Variants in ELK1 observed in about 807,000 individuals in gnomAD.
ELK1 encodes ETS transcription factor ELK1, also known as ETS domain-containing protein Elk-1.
For synonymous variants in ELK1, 163 were observed against 176.3 expected (o/e 0.92, Z 0.60); for missense variants, 254 against 381.5 (o/e 0.67, Z 2.78).
intron 2 of ELK1, among the ~76,000 whole-genome samples, chrX:47,643,728 T>C (rs762831697): frequency 9.0e-6 from 1 of 111,081 alleles, no homozygotes; most frequent in Non-Finnish European, 1.9e-5. Context: ...TTAATGGGCA[T>C]TGACTTATTT....
rs1305654913 is a variant in ELK1 at position 47,638,025 on chromosome X, TTGG to T, written c.809_811del (p.Thr270del). On this transcript the variant is annotated inframe_deletion, in exon 5 of 7. Transcript: ENST00000376983. ...CTGTGGAGGGACTTCTGGCTCGGCC[TTGG>T]TGGTTTCTGGCACAAACCCTCTCTC... 1 of 1,210,893 alleles carries T rather than the reference TTGG, an allele frequency of 8.3e-7. No homozygotes were observed. The highest frequency in any genetic ancestry group is 1.1e-6 in the Non-Finnish European group (1 of 895,225).
chrX:47,641,724 G>A (rs2058029368), intron 2 of ELK1, among the ~76,000 whole-genome samples: 1 of 112,095 alleles, frequency 8.9e-6, no homozygotes, highest in Non-Finnish European at 1.9e-5. Context: ...ATGTGAATCT[G>A]TGGGGGTCAG....
At chrX:47,650,377 G>A in intron 1 of ELK1, 46 bp downstream of exon 1, 1 of 288,758 alleles carries the variant, frequency 3.5e-6, no homozygotes. Flanking sequence ...GGAAGGATAC[G>A]TGGGGTCACG....
Position 47,635,695 on chromosome X carries a change from G to A in ELK1, c.*1134C>T, listed in dbSNP as rs891260329. ...CTGGGCTGGGCCAGCGCTAACAGGTGAGCCCAGGAGTCTTTTGAACCCACT... is the reference window on the plus strand; with the variant it reads ...CTGGGCTGGGCCAGCGCTAACAGGTAAGCCCAGGAGTCTTTTGAACCCACT... On this transcript the variant is annotated 3_prime_UTR_variant, in exon 7 of 7. Coordinates refer to ENST00000376983, the MANE Select transcript of ELK1 (RefSeq NM_001114123.3). 1.8e-5 allele frequency: 2 copies of A among 111,224 alleles called. No individual in the cohort carries two copies. The highest frequency in any genetic ancestry group is 3.8e-5 in the Non-Finnish European group (2 of 52,887). The allele number at this position is 111,224 out of a possible 1,213,427, so 9.2% of individuals were successfully genotyped here. A position where few individuals can be genotyped will look rare whatever the true frequency, so the allele number is the denominator to read the frequency against.
chrX:47,636,861 C>T lies in ELK1; in HGVS notation c.1255G>A (p.Val419Met), dbSNP rs777870023. 2 of 1,160,255 alleles carry T rather than the reference C, an allele frequency of 1.7e-6. No homozygotes were observed. The highest frequency in any genetic ancestry group is 2.3e-6 in the Non-Finnish European group (2 of 868,268). Residue 419 changes from valine (V) to methionine (M), a missense_variant, in exon 7 of 7, where the codon GTG becomes ATG. By Grantham distance (21) the Val-to-Met change is conservative (BLOSUM62 1). Coordinates refer to ENST00000376983, the MANE Select transcript of ELK1 (RefSeq NM_001114123.3). ...SISVDGLSTP[V>M]VLSPGPQKP ...TTCTGGGGCCCTGGGGAGAGCACCA[C>T]GGGGGTCGAGAGGCCATCCACGCTG...
chrX:47,640,576 G>A lies in ELK1; in HGVS notation c.210+656C>T, dbSNP rs186396171. 2.7e-5 allele frequency among the ~76,000 whole-genome samples: 3 copies of A among 111,379 alleles called. No individual in the cohort carries two copies. The East Asian group carries it at 8.4e-4, about 31-fold the overall frequency. ...GGGGAAATTTTAAATTTTAGCTGTAGGAATAAGATAATGAAAACAATTGAT... is the reference window on the plus strand; with the variant it reads ...GGGGAAATTTTAAATTTTAGCTGTAAGAATAAGATAATGAAAACAATTGAT... On this transcript the variant is annotated intron_variant, in intron 3 of 6. Transcript: ENST00000376983.
At chrX:47,641,545 C>G in intron 2 of ELK1, 70 bp from the exon 3 acceptor site, 1 of 807,088 alleles carries the variant, frequency 1.2e-6, no homozygotes, top group Non-Finnish European at 1.8e-6. Context: ...GAGGAGGATT[C>G]CTTTTTTTGT....
Position 47,638,164 on chromosome X carries a change from C to G in ELK1, c.673G>C (p.Glu225Gln). 1 of 1,208,513 alleles carries G rather than the reference C, an allele frequency of 8.3e-7. No homozygotes were observed. Residue 225 changes from glutamate (E) to glutamine (Q), a missense_variant, in exon 5 of 7, where the codon GAG becomes CAG. Glu to Gln is a conservative substitution (Grantham distance 29). Transcript: ENST00000376983. ...LPLQVILTPP[E>Q]APNLKSEELN... ...TCTTCCGATTTCAGGTTTGGGGCCTCGGGCGGGGTCAGGATGACCTGGTAG... is the reference window on the plus strand; with the variant it reads ...TCTTCCGATTTCAGGTTTGGGGCCTGGGGCGGGGTCAGGATGACCTGGTAG...
intron 5 of ELK1, 128 bp from the exon 6 acceptor site, chrX:47,637,242 C>T: frequency 1.6e-6 from 1 of 638,326 alleles, no homozygotes; most frequent in East Asian, 3.6e-5. Flanking sequence ...AAAGTGCACA[C>T]ACCTAGATGG....
chrX:47,636,898 G>A lies in ELK1; in HGVS notation c.1218C>T (p.His406=), dbSNP rs745658202. 1.7e-6 allele frequency: 2 copies of A among 1,175,388 alleles called. No individual in the cohort carries two copies. Among genetic ancestry groups the A allele is most frequent in the Non-Finnish European group, 2.3e-6 (2 of 876,559 alleles). ...QFPSSGSAQV[H]IPSISVDGLS... ...GGCCATCCACGCTGATAGAAGGGAT[G>A]TGCACCTGGGCGCTGCCACTGGATG... Residue 406 remains histidine (H), a synonymous_variant, in exon 7 of 7, where the codon CAC becomes CAT. Transcript: ENST00000376983.
In ELK1 at chrX:47,636,779, G is replaced by T; in HGVS notation, c.*50C>A. ...TCTCCTTGAGATGGCTGGCTGGAGA[G>T]AGCATGGATGGAGTGACCCCAGAAG... is the stretch of plus-strand genomic sequence containing the variant. On this transcript the variant is annotated 3_prime_UTR_variant, in exon 7 of 7. Transcript: ENST00000376983. 9.6e-7 allele frequency: 1 copy of T among 1,037,048 alleles called. No individual in the cohort carries two copies. The highest frequency in any genetic ancestry group is 1.3e-6 in the Non-Finnish European group (1 of 778,044). The allele number at this position is 1,037,048 out of a possible 1,213,427, so 85.5% of individuals were successfully genotyped here.
chrX:47,647,895 G>A (rs1259577792), intron 2 of ELK1, among the ~76,000 whole-genome samples: 1 of 112,409 alleles, frequency 8.9e-6, no homozygotes, highest in South Asian at 3.6e-4. Context: ...CCTGCTGGGT[G>A]TGCAGCTTCA....
chrX:47,644,070 G>A (rs1399474351), intron 2 of ELK1, among the ~76,000 whole-genome samples: 1 of 112,139 alleles, frequency 8.9e-6, no homozygotes, highest in Non-Finnish European at 1.9e-5. Flanking sequence ...TCCGATTAGA[G>A]AGTCCTGTCA....
In ELK1 at chrX:47,636,681, C is replaced by T; in HGVS notation, c.*148G>A. ...TGTGGAGGAGATAATGAGAGTTACT[C>T]TTGGGAGTAATTCTTCCCAAGGATC... On this transcript the variant is annotated 3_prime_UTR_variant, in exon 7 of 7. Coordinates refer to ENST00000376983, the MANE Select transcript of ELK1 (RefSeq NM_001114123.3). The T allele has an allele frequency of 1.9e-6, 1 of 537,048 alleles. No homozygotes were observed. Among genetic ancestry groups the T allele is most frequent in the Non-Finnish European group, 2.9e-6 (1 of 339,187 alleles). 44.3% of individuals were successfully genotyped at this position (537,048 alleles called of 1,213,427 possible). A position where few individuals can be genotyped will look rare whatever the true frequency, so the allele number is the denominator to read the frequency against.
rs776692129 is a variant in ELK1, at chrX:47,639,185, C to T, written c.364G>A (p.Ala122Thr). The T allele has an allele frequency of 1.7e-5, 21 of 1,207,953 alleles. No individual in the cohort carries two copies. In the Admixed American group the frequency reaches 2.6e-4, roughly 15 times the overall value. ...TTTCCAGAGACAGTGTCCCCTGGGGCGGCATGTATAGCAGCAGGGGCCACA... is the reference window on the plus strand; with the variant it reads ...TTTCCAGAGACAGTGTCCCCTGGGGTGGCATGTATAGCAGCAGGGGCCACA... ...PNVAPAAIHAAPGDTVSGKPG... is the reference protein window; with the variant it reads ...PNVAPAAIHATPGDTVSGKPG... The change falls in exon 4 of 7, where the codon GCC (alanine) becomes ACC (threonine). Residue 122 changes from alanine to threonine, a missense_variant. Transcript: ENST00000376983.
At chrX:47,645,740 G>A (rs1029807833) in intron 2 of ELK1, among the ~76,000 whole-genome samples, 2 of 112,124 alleles carry the variant, frequency 1.8e-5, no homozygotes, top group African/African-American at 6.5e-5. Context: ...GGGTAAGCAC[G>A]GGCTGCTCTC....
chrX:47,649,727 G>C (rs1192071202), intron 2 of ELK1, among the ~76,000 whole-genome samples, 194 bp downstream of exon 2: 24 of 107,463 alleles, frequency 2.2e-4, no homozygotes, highest in Non-Finnish European at 1.1e-4. Flanking sequence ...CCAAGCGCTA[G>C]AGCGACAGTC....
chrX:47,640,597 T>C (rs1305694098), intron 3 of ELK1, among the ~76,000 whole-genome samples: 1 of 111,076 alleles, frequency 9.0e-6, no homozygotes, highest in Non-Finnish European at 1.9e-5. Flanking sequence ...ATGAAAACAA[T>C]TGATATAAAT....
chrX:47,637,946 C>T lies in ELK1; in HGVS notation c.891G>A (p.Ala297=). The T allele has an allele frequency of 3.3e-6, 4 of 1,206,607 alleles. No individual in the cohort carries two copies. Among genetic ancestry groups the T allele is most frequent in the Middle Eastern group, 2.4e-4 (1 of 4,198 alleles). The part of the protein sequence containing the change: ...PAVVMDTAGQ[A]GGHAASSPEI... ...CAGGGCTGGAAGCCGCATGGCCGCC[C>T]GCCTGCCCTGCGGTGTCCATAACAA... The change falls in exon 5 of 7, where the codon GCG becomes GCA. Residue 297 remains alanine (A), a synonymous_variant. Coordinates refer to ENST00000376983, the MANE Select transcript of ELK1 (RefSeq NM_001114123.3).
Sources: allele counts gnomAD v4.1 joint callset (sites outside exome capture counted in the v4.1 genomes callset), GRCh38; gene constraint gnomAD v4.1.1; transcripts MANE v1.5; gene names NCBI Gene and HGNC (gene_info 2026-07-23, HGNC 2026-07-21).